The following GHR variants were observed in gnomAD, a reference collection of about 807,000 sequenced individuals.
GHR encodes growth hormone receptor.
A neutral mutation model predicts 67.1 loss-of-function variants in GHR; 35 were observed. That is an observed-to-expected ratio of 0.52 (90% CI 0.40 to 0.69). The LOEUF (loss-of-function observed/expected upper bound fraction) is 0.69, where lower values mean the gene tolerates loss of function less well. Among genes scored for constraint, GHR ranks in the 30% least tolerant of loss-of-function variants. The pLI is 0.00. For missense variants in GHR, 792 were observed against 764.6 expected, an observed-to-expected ratio of 1.04 and a Z score of -0.42; for synonymous variants, 272 against 269.1, an observed-to-expected ratio of 1.01 and a Z score of -0.10.
chr5:42,644,282 C>T lies in GHR; in HGVS notation c.136+15179C>T, dbSNP rs1361217832. Reference sequence around the variant, plus strand: ...GATGAACATATAGTTCACAGCACCACCCATGATGTATTCTTTCCATGAGAA... The same window carrying T: ...GATGAACATATAGTTCACAGCACCATCCATGATGTATTCTTTCCATGAGAA... On this transcript the variant is annotated intron_variant, in intron 3 of 9. Coordinates refer to ENST00000230882, the MANE Select transcript of GHR (RefSeq NM_000163.5). Among the ~76,000 whole-genome samples, 4 of 152,190 alleles carry T rather than the reference C, an allele frequency of 2.6e-5. No individual in the cohort carries two copies. In the South Asian group the frequency reaches 8.3e-4, roughly 32 times the overall value.
At chr5:42,622,130 T>C (rs1753478033) in intron 2 of GHR, among the ~76,000 whole-genome samples, 1 of 152,174 alleles carries the variant, frequency 6.6e-6, no homozygotes, top group Admixed American at 6.5e-5. Context: ...CACTGAGTAG[T>C]ATCCAACCAC....
intron 5 of GHR, among the ~76,000 whole-genome samples, chr5:42,697,945 G>A (rs1357472887): frequency 6.6e-6 from 1 of 152,068 alleles, no homozygotes; most frequent in African/African-American, 2.4e-5. Flanking sequence ...GGTGGGACAT[G>A]GTTGGATTCT....
chr5:42,700,648 G>T (rs997689857), intron 6 of GHR, among the ~76,000 whole-genome samples: 3 of 152,108 alleles, frequency 2.0e-5, no homozygotes, highest in Non-Finnish European at 4.4e-5. Flanking sequence ...GTATCATGCT[G>T]CTCCCAATAT....
At chr5:42,659,610 GA>G (rs1331484310) in intron 3 of GHR, among the ~76,000 whole-genome samples, 2 of 152,160 alleles carry the variant, frequency 1.3e-5, no homozygotes, top group African/African-American at 4.8e-5. Flanking sequence ...TAAGGAAAAA[GA>G]GGTTTAAAAA....
intron 1 of GHR, among the ~76,000 whole-genome samples, chr5:42,526,527 C>A (rs1380465184): frequency 6.6e-6 from 1 of 152,148 alleles, no homozygotes; most frequent in Admixed American, 6.5e-5. Flanking sequence ...GATAAAATAG[C>A]CTTCTATTGG....
chr5:42,424,384 G>A lies in GHR; in HGVS notation c.-12+429G>A. The A allele has an allele frequency of 3.3e-6, 2 of 597,562 alleles. No individual in the cohort carries two copies. The highest frequency in any genetic ancestry group is 6.0e-6 in the Non-Finnish European group (2 of 334,820). 37.0% of individuals were successfully genotyped at this position (597,562 alleles called of 1,614,324 possible). A position where few individuals can be genotyped will look rare whatever the true frequency, so the allele number is the denominator to read the frequency against. On this transcript the variant is annotated intron_variant, in intron 1 of 9. Coordinates refer to ENST00000230882, the MANE Select transcript of GHR (RefSeq NM_000163.5). This position sits in a 1 kb window ranked among gnomAD's most constrained non-coding sequence, Gnocchi z 4.1. ...AGTGTGTTTCTGTTTGCCATCATCT[G>A]CCTGGCTGCGGCAGGAACTGCCGAG...
At chr5:42,625,061 G>C (rs1393543810) in intron 2 of GHR, among the ~76,000 whole-genome samples, 3 of 151,994 alleles carry the variant, frequency 2.0e-5, no homozygotes, top group Non-Finnish European at 4.4e-5. Context: ...AATTTAGAGA[G>C]AGAATAAAAA....
intron 6 of GHR, among the ~76,000 whole-genome samples, chr5:42,709,944 C>T (rs1758372787): frequency 6.6e-6 from 1 of 151,916 alleles, no homozygotes; most frequent in Admixed American, 6.6e-5. Flanking sequence ...CAACTTGAAT[C>T]ACTGAGGGCC....
intron 8 of GHR, among the ~76,000 whole-genome samples, chr5:42,717,198 G>C (rs1410563554): frequency 1.3e-5 from 2 of 152,102 alleles, no homozygotes; most frequent in Non-Finnish European, 2.9e-5. Flanking sequence ...TACTTAGGAG[G>C]CTGAGGCAAG....
Position 42,439,350 on chromosome 5 carries a change from G to C in GHR, c.-12+15395G>C, listed in dbSNP as rs568070468. On this transcript the variant is annotated intron_variant, in intron 1 of 9. Transcript: ENST00000230882. ...ATGTTTGCACTTTCCATGATTTGAAGAGGAATATAAAGCAAAGTTGAATTT... is the reference window on the plus strand; with the variant it reads ...ATGTTTGCACTTTCCATGATTTGAACAGGAATATAAAGCAAAGTTGAATTT... Among the ~76,000 whole-genome samples, 6 of 152,308 alleles carry C rather than the reference G, an allele frequency of 3.9e-5. No homozygotes were observed. In the South Asian group the frequency reaches 8.3e-4, roughly 21 times the overall value.
chr5:42,468,071 T>C (rs1316316529), intron 1 of GHR: 9 of 971,048 alleles, frequency 9.3e-6, no homozygotes, highest in Non-Finnish European at 1.4e-5. Context: ...GCGGGGGTTT[T>C]CAGCTTCCTC....
chr5:42,550,414 C>A (rs1397813511), intron 1 of GHR, among the ~76,000 whole-genome samples: 1 of 152,154 alleles, frequency 6.6e-6, no homozygotes, highest in Non-Finnish European at 1.5e-5. Context: ...TCACTACTAA[C>A]CCTAGGCTTC....
intron 1 of GHR, among the ~76,000 whole-genome samples, chr5:42,538,154 A>G (rs184048410): frequency 8.1e-4 from 123 of 152,322 alleles, no homozygotes; most frequent in African/African-American, 2.9e-3. Flanking sequence ...GGGCATTTAC[A>G]TTCAATGTCA....
At chr5:42,594,077 A>G (rs753204189) in intron 2 of GHR, among the ~76,000 whole-genome samples, 1 of 152,108 alleles carries the variant, frequency 6.6e-6, no homozygotes, top group Non-Finnish European at 1.5e-5. Context: ...TCTTACCTTA[A>G]TGGCTCTCCA....
At chr5:42,449,162 C>T (rs1305667992) in intron 1 of GHR, among the ~76,000 whole-genome samples, 1 of 152,026 alleles carries the variant, frequency 6.6e-6, no homozygotes, top group African/African-American at 2.4e-5. Flanking sequence ...TGTTCCAGTT[C>T]TGTGAAGAAT....
chr5:42,626,299 A>G (rs895322468), intron 2 of GHR, among the ~76,000 whole-genome samples: 2 of 152,198 alleles, frequency 1.3e-5, no homozygotes, highest in South Asian at 2.1e-4. Flanking sequence ...GTTGTTACCT[A>G]TACTTCTAGC....
At chr5:42,605,855 T>A (rs1752606799) in intron 2 of GHR, among the ~76,000 whole-genome samples, 1 of 152,258 alleles carries the variant, frequency 6.6e-6, no homozygotes, top group Non-Finnish European at 1.5e-5. Flanking sequence ...TGATGCAGGC[T>A]AATTAATAGC....
chr5:42,597,457 C>T (rs1031306834), intron 2 of GHR, among the ~76,000 whole-genome samples: 7 of 152,056 alleles, frequency 4.6e-5, no homozygotes, highest in Admixed American at 2.0e-4. Flanking sequence ...ATAGGTGGAT[C>T]CAGTACACCA....
At chr5:42,463,910 G>A (rs1744600026) in intron 1 of GHR, among the ~76,000 whole-genome samples, 2 of 145,600 alleles carry the variant, frequency 1.4e-5, no homozygotes, top group Admixed American at 1.4e-4. Flanking sequence ...GGAGAATGGC[G>A]TGAACCCGAG....
Sources: allele counts gnomAD v4.1 joint callset (sites outside exome capture counted in the v4.1 genomes callset), GRCh38; gene constraint gnomAD v4.1.1; non-coding constraint Gnocchi (gnomAD v3.1); transcripts MANE v1.5; gene names NCBI Gene and HGNC (gene_info 2026-07-23, HGNC 2026-07-21).